MYH15: variants seen among roughly 807,000 people sequenced by gnomAD.
MYH15 encodes the protein myosin-15.
Under a neutral mutation model 240.5 loss-of-function variants are expected in MYH15, and 227 were observed. The observed-to-expected ratio is 0.94, with a 90% confidence interval of 0.85 to 1.05. The LOEUF (loss-of-function observed/expected upper bound fraction) is 1.05, where lower values mean the gene tolerates loss of function less well. MYH15 is among the 50% of genes least tolerant of loss of function. MYH15 has a pLI of 0.00. For missense variants in MYH15, 2,217 were observed against 2,247.5 expected (o/e 0.99, Z 0.27); for synonymous variants, 785 against 796.7 (o/e 0.99, Z 0.25).
At chr3:108,498,225 G>A (rs939592553) in intron 5 of MYH15, 80 bp from the exon 6 acceptor site, 1 of 1,223,904 alleles carries the variant, frequency 8.2e-7, no homozygotes, top group African/African-American at 1.5e-5. Context: ...TGATTATATA[G>A]GCTATGGCAA....
intron 18 of MYH15, among the ~76,000 whole-genome samples, chr3:108,457,287 G>C (rs1389180287): frequency 6.6e-6 from 1 of 152,162 alleles, no homozygotes; most frequent in Non-Finnish European, 1.5e-5. Flanking sequence ...GTGCAGGAGG[G>C]GGAAGGGATA....
the MYH15 span, among the ~76,000 whole-genome samples, chr3:108,540,405 T>C: frequency 3.3e-5 from 5 of 152,178 alleles, no homozygotes; most frequent in Non-Finnish European, 5.9e-5. Context: ...GGAAGGAAAG[T>C]ATGGAATTCC....
At chr3:108,455,674 T>C (rs1405673789) in intron 20 of MYH15, 62 bp downstream of exon 20, 3 of 1,563,884 alleles carry the variant, frequency 1.9e-6, no homozygotes, top group East Asian at 4.5e-5. Context: ...CACAGGTATT[T>C]TAAGATACAC....
intron 9 of MYH15, 80 bp from the exon 10 acceptor site, chr3:108,486,606 T>G: frequency 2.2e-6 from 2 of 921,994 alleles, no homozygotes; most frequent in South Asian, 3.2e-5. Flanking sequence ...TATTCGCAGT[T>G]TAGTCTACAG....
intron 12 of MYH15, among the ~76,000 whole-genome samples, chr3:108,471,504 C>A (rs770401237): frequency 6.6e-5 from 10 of 152,160 alleles, no homozygotes; most frequent in Non-Finnish European, 1.3e-4. Context: ...CCTGTCTAGC[C>A]CAGCTGCAGG....
chr3:108,381,589 G>A (rs769720464), intron 40 of MYH15, 30 bp from the exon 41 acceptor site: 3 of 1,612,572 alleles, frequency 1.9e-6, no homozygotes, highest in East Asian at 4.5e-5. Context: ...TGTGTTCTGT[G>A]AATTTCCTGT....
At chr3:108,531,354 G>T (rs1442266364), upstream of MYH15, among the ~76,000 whole-genome samples, 2 of 152,112 alleles carry the variant, frequency 1.3e-5, no homozygotes, top group Non-Finnish European at 2.9e-5. Flanking sequence ...CAAGAGAGTG[G>T]CCTGTGCGTT....
the MYH15 span, among the ~76,000 whole-genome samples, chr3:108,539,130 C>T: frequency 6.6e-6 from 1 of 152,150 alleles, no homozygotes; most frequent in Non-Finnish European, 1.5e-5. Flanking sequence ...TTTGGGGAAA[C>T]ATTCAAACCA....
chr3:108,436,866 C>A (rs1406179874), intron 25 of MYH15, among the ~76,000 whole-genome samples: 1 of 151,718 alleles, frequency 6.6e-6, no homozygotes, highest in East Asian at 1.9e-4. Context: ...ATTGAAAATC[C>A]CTAATGGTTA....
chr3:108,397,988 C>T (rs4855562), intron 35 of MYH15, among the ~76,000 whole-genome samples: 108,346 of 152,024 alleles, frequency 0.71, 39,065 homozygotes, highest in Middle Eastern at 0.78. Flanking sequence ...TTTTGTCTCA[C>T]ACACACACAA....
upstream of MYH15, among the ~76,000 whole-genome samples, chr3:108,515,050 A>G (rs2083550266): frequency 6.6e-6 from 1 of 152,136 alleles, no homozygotes; most frequent in Non-Finnish European, 1.5e-5. Flanking sequence ...GTGCCTGTTG[A>G]GCCCACACTC....
Position 108,399,200 on chromosome 3 carries a change from C to A in MYH15, c.4804G>T (p.Glu1602Ter). ...ATCTTCTTCTTCAGCCGGGTAACCT[C>A]AATTCTGCTCTTAGCTTCAGAATCC... Reference protein sequence around the residue: ...SLDSEAKSRIEVTRLKKKMEE... With the variant: ...SLDSEAKSRI The change falls in exon 34 of 41, where the codon GAG becomes TAG. Residue 1602 changes from glutamate (E) to a stop codon, truncating the protein, a stop_gained. Transcript: ENST00000693548. LOFTEE classifies it high-confidence loss of function. 6.2e-7 allele frequency: 1 copy of A among 1,614,214 alleles called. No homozygotes were observed. The highest frequency in any genetic ancestry group is 8.5e-7 in the Non-Finnish European group (1 of 1,180,026).
Position 108,485,209 on chromosome 3 carries a change from G to A in MYH15, c.996C>T (p.Gly332=). 6.2e-7 allele frequency: 1 copy of A among 1,614,046 alleles called. No homozygotes were observed. The highest frequency in any genetic ancestry group is 8.5e-7 in the Non-Finnish European group (1 of 1,179,964). The change falls in exon 11 of 41, where the codon GGC becomes GGT. Residue 332 remains glycine (G), a synonymous_variant. Coordinates refer to ENST00000693548, the MANE Select transcript of MYH15 (RefSeq NM_014981.3). ...LATEQAMDIL[G]FLPDEKYGCY... ...ATCCATACTTCTCATCAGGAAGAAAGCCCAAGATGTCCATGGCTTGCTGTA... is the reference window on the plus strand; with the variant it reads ...ATCCATACTTCTCATCAGGAAGAAAACCCAAGATGTCCATGGCTTGCTGTA...
rs1415227906 is a variant in MYH15 at position 108,485,190 on chromosome 3, A to C, written c.1015T>G (p.Tyr339Asp). The change falls in exon 11 of 41, where the codon TAT becomes GAT. Residue 339 changes from tyrosine (Y) to aspartate (D), a missense_variant. Tyr to Asp is a radical substitution (Grantham distance 160, BLOSUM62 -3). Coordinates refer to ENST00000693548, the MANE Select transcript of MYH15 (RefSeq NM_014981.3). ...GCTCCAGTGAGTTTATAGCATCCAT[A>C]CTTCTCATCAGGAAGAAAGCCCAAG... is the stretch of plus-strand genomic sequence containing the variant. ...DILGFLPDEK[Y>D]GCYKLTGAIM... 6.2e-7 allele frequency: 1 copy of C among 1,614,100 alleles called. No homozygotes were observed. The highest frequency in any genetic ancestry group is 8.5e-7 in the Non-Finnish European group (1 of 1,179,968).
rs551611827 is a variant in MYH15, at chr3:108,423,877, G to A, written c.3703-2663C>T. Among the ~76,000 whole-genome samples the A allele has an allele frequency of 5.3e-5, 8 of 152,340 alleles. 1 individual carries two copies. The South Asian group carries it at 1.7e-3, about 32-fold the overall frequency. ...ATAAAGGAAATATTAAGGATTAATC[G>A]ACTTGATGTCCTAGGTGGCCCAAAT... On this transcript the variant is annotated intron_variant, in intron 27 of 40. Transcript: ENST00000693548.
chr3:108,496,715 G>C (rs1450622364), intron 6 of MYH15, among the ~76,000 whole-genome samples: 1 of 151,132 alleles, frequency 6.6e-6, no homozygotes, highest in Non-Finnish European at 1.5e-5. Context: ...ATATGAGCAA[G>C]GATTTCCATA....
chr3:108,488,130 A>C (rs2083319930), intron 9 of MYH15, among the ~76,000 whole-genome samples: 1 of 152,052 alleles, frequency 6.6e-6, no homozygotes, highest in Non-Finnish European at 1.5e-5. Context: ...TATATAATAC[A>C]TTGTTATTAA....
At chr3:108,455,627 G>T (rs544630940) in intron 20 of MYH15, 109 bp downstream of exon 20, 38 of 1,244,100 alleles carry the variant, frequency 3.1e-5, no homozygotes, top group Non-Finnish European at 4.2e-5. Flanking sequence ...GATATTTATG[G>T]TCATGAGAGC....
At chr3:108,550,859 G>A in the MYH15 span, 2 of 176,656 alleles carry the variant, frequency 1.1e-5, no homozygotes, top group Non-Finnish European at 2.4e-5. Context: ...CTAAGAAAAA[G>A]GAAAGAACCT....
Sources: gnomAD v4.1 joint callset for allele counts (sites outside exome capture counted in the v4.1 genomes callset) on GRCh38, gnomAD v4.1.1 for gene constraint, MANE v1.5 for transcripts, NCBI Gene and HGNC (gene_info 2026-07-23, HGNC 2026-07-21) for gene names.